TMEM263: variants seen among roughly 807,000 people sequenced by gnomAD.
TMEM263 encodes the protein transmembrane protein 263.
In TMEM263, 5 loss-of-function variants were observed where a neutral mutation model predicts 8.6. That is an observed-to-expected ratio of 0.58 (90% CI 0.31 to 1.23). TMEM263 has a LOEUF of 1.23. Among genes scored for constraint, TMEM263 ranks in the 50% most tolerant of loss-of-function variants. The probability of loss-of-function intolerance (pLI) is 0.07; values close to 1 mark genes in which losing one functional copy is unlikely to be tolerated. For missense variants in TMEM263, 104 were observed against 138.8 expected (o/e 0.75, Z 1.26); for synonymous variants, 50 against 47.9 (o/e 1.04, Z -0.18).
chr12:106,956,200 C>G, intron 1 of TMEM263, 135 bp downstream of exon 1: 2 of 357,164 alleles, frequency 5.6e-6, no homozygotes, highest in South Asian at 2.3e-4. Flanking sequence ...TTGGCGAGGC[C>G]CCAGCGGGAA....
intron 2 of TMEM263, among the ~76,000 whole-genome samples, chr12:106,959,690 A>G (rs1397080047): frequency 1.3e-5 from 2 of 152,252 alleles, no homozygotes; most frequent in African/African-American, 2.4e-5. Flanking sequence ...TAAGCAGGAT[A>G]GTAATATAAG....
chr12:106,963,781 A>C (rs1951809851), intron 2 of TMEM263, among the ~76,000 whole-genome samples: 1 of 152,210 alleles, frequency 6.6e-6, no homozygotes, highest in South Asian at 2.1e-4. Context: ...TCTTTTTCTT[A>C]ATTACAAGAT....
intron 2 of TMEM263, 50 bp downstream of exon 2, chr12:106,957,199 T>TGTGTGTGTGTGTATGTGTGTGC (rs1951709635): frequency 1.1e-6 from 1 of 951,632 alleles, no homozygotes; most frequent in Admixed American, 6.2e-5. Flanking sequence ...TGTGTGTGTG[T>TGTGTGTGTGTGTATGTGTGTGC]GTGTGTGTGT....
chr12:106,969,856 C>CTAA (rs1053260950), intron 3 of TMEM263, among the ~76,000 whole-genome samples: 25 of 150,884 alleles, frequency 1.7e-4, no homozygotes, highest in African/African-American at 5.6e-4. Context: ...AGCTTACATG[C>CTAA]TAATATATGT....
intron 3 of TMEM263, 59 bp downstream of exon 3, chr12:106,967,239 G>T: frequency 9.3e-7 from 1 of 1,071,576 alleles, no homozygotes; most frequent in African/African-American, 1.6e-5. Flanking sequence ...AGTTCTGATA[G>T]TTTTTATTTT....
chr12:106,965,387 A>G (rs1951830562), intron 2 of TMEM263, among the ~76,000 whole-genome samples: 1 of 152,142 alleles, frequency 6.6e-6, no homozygotes, highest in Admixed American at 6.6e-5. Context: ...TAGGCGGATC[A>G]TCTGAGGTCA....
In TMEM263 at chr12:106,968,402, T is replaced by G. The variant is rs1951874112; in HGVS notation, c.64+1222T>G. Among the ~76,000 whole-genome samples the G allele has an allele frequency of 3.3e-5, 5 of 151,806 alleles. No individual in the cohort carries two copies. In the South Asian group the frequency reaches 1.0e-3, roughly 32 times the overall value. Reference sequence around the variant, plus strand: ...AAAAAAAAAAAAAGAACTAGCTGATTAGGTTTAGTTTAGTTTGGTGGAGGA... The same window carrying G: ...AAAAAAAAAAAAAGAACTAGCTGATGAGGTTTAGTTTAGTTTGGTGGAGGA... On this transcript the variant is annotated intron_variant, in intron 3 of 3. Transcript: ENST00000280756.
intron 3 of TMEM263, chr12:106,967,395 AT>A: frequency 2.7e-6 from 1 of 377,268 alleles, no homozygotes; most frequent in Non-Finnish European, 4.7e-6. Context: ...AGTAGCTGGG[AT>A]TACAGGTACC....
intron 2 of TMEM263, among the ~76,000 whole-genome samples, chr12:106,962,476 T>A (rs1447494947): frequency 6.6e-6 from 1 of 152,238 alleles, no homozygotes; most frequent in African/African-American, 2.4e-5. Flanking sequence ...GTGTTTTGTT[T>A]GTTTTTGCTG....
intron 2 of TMEM263, among the ~76,000 whole-genome samples, chr12:106,963,408 T>C (rs1398651577): frequency 6.6e-6 from 1 of 152,186 alleles, no homozygotes; most frequent in Non-Finnish European, 1.5e-5. Context: ...GGTTATATTC[T>C]GGATTTATTT....
Position 106,971,485 on chromosome 12 carries a change from GT to G in TMEM263, c.*97del. 7.8e-7 allele frequency: 1 copy of G among 1,286,778 alleles called. No individual in the cohort carries two copies. The highest frequency in any genetic ancestry group is 1.1e-6 in the Non-Finnish European group (1 of 944,610). 79.7% of individuals were successfully genotyped at this position (1,286,778 alleles called of 1,614,324 possible). On this transcript the variant is annotated 3_prime_UTR_variant, in exon 4 of 4. Transcript: ENST00000280756. Reference sequence around the variant, plus strand: ...TACAACCAAGTCAACTGTTTTGGACGTTTATCTTCTAAACTGCTGTGTTGAA... The same window carrying G: ...TACAACCAAGTCAACTGTTTTGGACGTTATCTTCTAAACTGCTGTGTTGAA...
At chr12:106,960,952 A>G (rs146381272) in intron 2 of TMEM263, among the ~76,000 whole-genome samples, 2 of 152,092 alleles carry the variant, frequency 1.3e-5, no homozygotes, top group East Asian at 3.9e-4. Flanking sequence ...TGGGCCATAT[A>G]TTGGTAGGTA....
Position 106,956,039 on chromosome 12 carries a change from G to A in TMEM263, c.-101G>A, listed in dbSNP as rs1951683514. The A allele has an allele frequency of 1.0e-6, 1 of 985,562 alleles. No individual in the cohort carries two copies. Among genetic ancestry groups the A allele is most frequent in the Admixed American group, 6.1e-5 (1 of 16,270 alleles). The allele number at this position is 985,562 out of a possible 1,614,324, so 61.1% of individuals were successfully genotyped here. ...GGCCCGCTCACTCCGCCCGGCCCCA[G>A]CCCTAGCGCTGGCCGCGACCCCGGC... On this transcript the variant is annotated 5_prime_UTR_variant, in exon 1 of 4. Coordinates refer to ENST00000280756, the MANE Select transcript of TMEM263 (RefSeq NM_152261.4).
At chr12:106,968,292 A>T (rs1326616212) in intron 3 of TMEM263, among the ~76,000 whole-genome samples, 1 of 152,106 alleles carries the variant, frequency 6.6e-6, no homozygotes, top group Non-Finnish European at 1.5e-5. Context: ...GCCATAAAGA[A>T]TTCAAAAGAA....
At chr12:106,967,311 T>C in intron 3 of TMEM263, 131 bp downstream of exon 3, 1 of 587,066 alleles carries the variant, frequency 1.7e-6, no homozygotes, top group Non-Finnish European at 2.8e-6. Context: ...CAGGCTGGAG[T>C]GCAATGGCAC....
At chr12:106,956,136 T>G in intron 1 of TMEM263, 71 bp downstream of exon 1, 1 of 812,678 alleles carries the variant, frequency 1.2e-6, no homozygotes, top group Non-Finnish European at 1.5e-6. Flanking sequence ...CCCTCTGCCG[T>G]CGGCGCCCCT....
intron 3 of TMEM263, 62 bp downstream of exon 3, chr12:106,967,242 T>G (rs1360696902): frequency 1.9e-6 from 2 of 1,063,106 alleles, no homozygotes. Flanking sequence ...TCTGATAGTT[T>G]TTATTTTTTA....
chr12:106,956,933 G>T (rs927083722), intron 1 of TMEM263, 149 bp from the exon 2 acceptor site: 2 of 236,388 alleles, frequency 8.5e-6, no homozygotes, highest in Non-Finnish European at 1.4e-5. Flanking sequence ...GGATCAGTAG[G>T]GAGAGAAGGG....
chr12:106,957,654 A>AAAT (rs1951718770), intron 2 of TMEM263, among the ~76,000 whole-genome samples: 1 of 152,238 alleles, frequency 6.6e-6, no homozygotes, highest in African/African-American at 2.4e-5. Flanking sequence ...ATATCTGTTG[A>AAAT]AATAATGTGA....
Sources: gnomAD v4.1 joint callset for allele counts (sites outside exome capture counted in the v4.1 genomes callset) on GRCh38, gnomAD v4.1.1 for gene constraint, MANE v1.5 for transcripts, NCBI Gene and HGNC (gene_info 2026-07-23, HGNC 2026-07-21) for gene names.